The following NCALD variants were observed in gnomAD, a reference collection of about 807,000 sequenced individuals.
The protein encoded by NCALD is neurocalcin delta.
Under a neutral mutation model 18.6 loss-of-function variants are expected in NCALD, and 10 were observed. The observed-to-expected ratio is 0.54, with a 90% CI of 0.33 to 0.91. NCALD has a LOEUF of 0.91. Among genes scored for constraint, NCALD ranks in the 40% least tolerant of loss-of-function variants. The pLI is 0.03. For synonymous variants in NCALD, 88 were observed against 87.4 expected (o/e 1.01, Z -0.04); for missense variants, 184 against 247.6 (o/e 0.74, Z 1.72).
At chr8:101,992,709 A>G (rs1821093512) in intron 2 of NCALD, among the ~76,000 whole-genome samples, 1 of 151,940 alleles carries the variant, frequency 6.6e-6, no homozygotes, top group African/African-American at 2.4e-5. Context: ...GCATTGCACA[A>G]CTCCAGAGTC....
intron 4 of NCALD, among the ~76,000 whole-genome samples, chr8:101,799,682 C>T (rs1369688429): frequency 6.6e-6 from 1 of 152,172 alleles, no homozygotes; most frequent in Non-Finnish European, 1.5e-5. Flanking sequence ...AAAGTTCACA[C>T]ACTGTATGAA....
chr8:101,696,279 G>C (rs1172395216), intron 2 of NCALD, among the ~76,000 whole-genome samples: 1 of 152,140 alleles, frequency 6.6e-6, no homozygotes, highest in East Asian at 1.9e-4. Flanking sequence ...TTCCCTCATG[G>C]TTTTTGCTGT....
chr8:101,870,505 G>A (rs529434986), intron 4 of NCALD, among the ~76,000 whole-genome samples: 1 of 152,144 alleles, frequency 6.6e-6, no homozygotes, highest in Non-Finnish European at 1.5e-5. Context: ...GATTTAAGTT[G>A]TTACTTTGTT....
chr8:101,765,490 T>C (rs1811309803), intron 1 of NCALD, among the ~76,000 whole-genome samples: 1 of 152,326 alleles, frequency 6.6e-6, no homozygotes, highest in South Asian at 2.1e-4. Context: ...ATCTGCAATA[T>C]TACAGATTCC....
chr8:101,793,027 GTATTAAAATATTCAGTGAAC>G (rs1023985658), upstream of NCALD, among the ~76,000 whole-genome samples: 8 of 152,258 alleles, frequency 5.3e-5, no homozygotes, highest in South Asian at 2.1e-4. Context: ...GCCTTGGGCA[GTATTAAAATATTCAGTGAAC>G]TATTAAAATA....
At chr8:101,920,829 T>C (rs180717709) in intron 2 of NCALD, among the ~76,000 whole-genome samples, 29 of 152,284 alleles carry the variant, frequency 1.9e-4, no homozygotes, top group South Asian at 1.0e-3. Context: ...CTCAGCATCA[T>C]GCAATATACC....
At chr8:102,121,096 C>A (rs1825931867) in intron 1 of NCALD, among the ~76,000 whole-genome samples, 1 of 152,126 alleles carries the variant, frequency 6.6e-6, no homozygotes, top group Admixed American at 6.5e-5. Flanking sequence ...AGATGATGTG[C>A]AATATGAAAC....
chr8:102,088,245 T>G (rs2132360858), intron 1 of NCALD, among the ~76,000 whole-genome samples: 2 of 152,338 alleles, frequency 1.3e-5, no homozygotes, highest in South Asian at 4.1e-4. Context: ...GTTCAATTCC[T>G]GGCTTAGGGA....
rs1264927640 is a variant in NCALD, at chr8:101,686,801, A to G, written c.*2508T>C. ...ATCACAGGCTGGTTTTATTTGGGAC[A>G]GAACAGGTTTTATTTCCAAAGGTCC... is the stretch of plus-strand genomic sequence containing the variant. On this transcript the variant is annotated 3_prime_UTR_variant, in exon 4 of 4. Coordinates refer to ENST00000220931, the MANE Select transcript of NCALD (RefSeq NM_032041.3). The G allele has an allele frequency of 6.6e-6, 1 of 152,656 alleles. No individual in the cohort carries two copies. Among genetic ancestry groups the G allele is most frequent in the Non-Finnish European group, 1.5e-5 (1 of 68,118 alleles). The allele number at this position is 152,656 out of a possible 1,614,324, so 9.5% of individuals were successfully genotyped here.
chr8:101,694,345 C>CTTTA (rs750538120), intron 2 of NCALD: 4 of 152,194 alleles, frequency 2.6e-5, no homozygotes, highest in Non-Finnish European at 2.9e-5. Flanking sequence ...ACCTGAGCTG[C>CTTTA]TTTACAGTCT....
At chr8:101,816,195 T>C (rs1346286913) in intron 4 of NCALD, among the ~76,000 whole-genome samples, 1 of 152,142 alleles carries the variant, frequency 6.6e-6, no homozygotes, top group Admixed American at 6.6e-5. Context: ...AAACTATGCA[T>C]ATGATACTGA....
intron 1 of NCALD, among the ~76,000 whole-genome samples, chr8:101,763,104 G>T (rs1028287987): frequency 1.3e-5 from 2 of 152,070 alleles, no homozygotes; most frequent in African/African-American, 4.8e-5. Flanking sequence ...TACATATCAG[G>T]CACTGTGCTA....
At chr8:102,105,768 T>C (rs141078490) in intron 1 of NCALD, among the ~76,000 whole-genome samples, 18 of 152,118 alleles carry the variant, frequency 1.2e-4, no homozygotes, top group Non-Finnish European at 2.1e-4. Flanking sequence ...TCTAGAATAG[T>C]GGTTAGAAAT....
intron 4 of NCALD, among the ~76,000 whole-genome samples, chr8:101,797,387 A>G (rs1297863757): frequency 1.3e-5 from 2 of 152,250 alleles, no homozygotes; most frequent in African/African-American, 2.4e-5. Context: ...AAAACACCAC[A>G]TTAACTTTAA....
intron 4 of NCALD, among the ~76,000 whole-genome samples, chr8:101,880,216 G>A (rs375880491): frequency 1.2e-4 from 18 of 152,250 alleles, no homozygotes; most frequent in African/African-American, 4.1e-4. Context: ...GGGACCTGGC[G>A]CACCCTCCAC....
At chr8:101,906,160 A>G (rs1817604334) in intron 3 of NCALD, among the ~76,000 whole-genome samples, 1 of 152,208 alleles carries the variant, frequency 6.6e-6, no homozygotes, top group Non-Finnish European at 1.5e-5. Context: ...GCAGGGACAG[A>G]CACAGACCAC....
chr8:102,077,680 C>G (rs1278436904), intron 1 of NCALD, among the ~76,000 whole-genome samples: 2 of 152,158 alleles, frequency 1.3e-5, no homozygotes, highest in Admixed American at 1.3e-4. Context: ...CCCCCATTCC[C>G]TTTAGCGACT....
upstream of NCALD, among the ~76,000 whole-genome samples, chr8:101,792,306 CTTCT>C (rs1378121306): frequency 1.3e-5 from 2 of 152,142 alleles, no homozygotes; most frequent in African/African-American, 4.8e-5. Context: ...TCAGAAATTG[CTTCT>C]TTAATAATAA....
At chr8:102,004,665 C>G (rs1821623959) in intron 2 of NCALD, among the ~76,000 whole-genome samples, 1 of 152,124 alleles carries the variant, frequency 6.6e-6, no homozygotes, top group Non-Finnish European at 1.5e-5. Flanking sequence ...CAGCATGGTA[C>G]TGGTACCAAA....
Sources: allele counts gnomAD v4.1 joint callset (sites outside exome capture counted in the v4.1 genomes callset), GRCh38; gene constraint gnomAD v4.1.1; transcripts MANE v1.5; gene names NCBI Gene and HGNC (gene_info 2026-07-23, HGNC 2026-07-21).